CPD: variants seen among roughly 807,000 people sequenced by gnomAD.
CPD encodes the protein carboxypeptidase D, also known as metallocarboxypeptidase D.
Under a neutral mutation model 138.3 loss-of-function variants are expected in CPD, and 69 were observed. That is an observed-to-expected ratio of 0.50 (90% CI 0.41 to 0.61). The LOEUF (loss-of-function observed/expected upper bound fraction) is 0.61. Among genes scored for constraint, CPD ranks in the 20% least tolerant of loss-of-function variants. The pLI is 0.00. For synonymous variants in CPD, 651 were observed against 642.1 expected (o/e 1.01, Z -0.21); for missense variants, 1,432 against 1,733.3 (o/e 0.83, Z 3.09).
At position 30,421,853 on chromosome 17, in the gene CPD, A is replaced by G. The variant is rs760079895; in HGVS notation, c.1307+20A>G. 11 of 1,556,216 alleles carry G rather than the reference A, an allele frequency of 7.1e-6. No homozygotes were observed. The highest frequency in any genetic ancestry group is 4.1e-5 in the African/African-American group (3 of 73,728). ...AACTGGGTAAGAATTTAAACTATGT[A>G]GACTCTTAGTTAAAATGTCAAGTCT... On this transcript the variant is annotated intron_variant, in intron 4 of 20. Coordinates refer to ENST00000225719, the MANE Select transcript of CPD (RefSeq NM_001304.5).
intron 8 of CPD, among the ~76,000 whole-genome samples, chr17:30,435,979 A>G (rs1041033945): frequency 1.3e-5 from 2 of 152,170 alleles, no homozygotes; most frequent in Admixed American, 1.3e-4. Flanking sequence ...TTGTACAAGG[A>G]CACCGTCATA....
intron 2 of CPD, among the ~76,000 whole-genome samples, chr17:30,404,994 T>C (rs1383122513): frequency 2.0e-5 from 3 of 152,174 alleles, no homozygotes; most frequent in Non-Finnish European, 2.9e-5. Flanking sequence ...AAATTCCATA[T>C]GGATTAAAGA....
chr17:30,442,483 C>A, intron 10 of CPD, 33 bp downstream of exon 10: 1 of 1,599,112 alleles, frequency 6.3e-7, no homozygotes, highest in South Asian at 1.1e-5. Context: ...TGAAATTTCT[C>A]CCGAGGGTGA....
intron 2 of CPD, among the ~76,000 whole-genome samples, chr17:30,404,693 A>T (rs1911761639): frequency 6.8e-6 from 1 of 146,024 alleles, no homozygotes; most frequent in South Asian, 2.2e-4. Context: ...AATGTTCTAT[A>T]ATCCTTTGTC....
At chr17:30,416,544 ATGT>A (rs1484914538) in intron 2 of CPD, among the ~76,000 whole-genome samples, 1 of 152,100 alleles carries the variant, frequency 6.6e-6, no homozygotes, top group Non-Finnish European at 1.5e-5. Flanking sequence ...GCTGTTTATG[ATGT>A]TGTTTTGCCA....
At chr17:30,392,008 C>CTTT (rs869193468) in intron 2 of CPD, among the ~76,000 whole-genome samples, 1 of 134,280 alleles carries the variant, frequency 7.4e-6, no homozygotes, top group African/African-American at 2.7e-5. Context: ...TTTGGATAAT[C>CTTT]TTTTTTTTTT....
chr17:30,399,315 A>C (rs567348373), intron 2 of CPD, among the ~76,000 whole-genome samples: 2 of 152,190 alleles, frequency 1.3e-5, no homozygotes, highest in South Asian at 4.1e-4. Context: ...TATAGTATAA[A>C]TATCATTTAT....
intron 2 of CPD, among the ~76,000 whole-genome samples, chr17:30,413,545 A>AT (rs1275950487): frequency 1.3e-5 from 2 of 152,222 alleles, no homozygotes; most frequent in Non-Finnish European, 2.9e-5. Flanking sequence ...AAGAACAAAC[A>AT]TCTTAATTTC....
chr17:30,468,924 T>C lies in CPD; in HGVS notation c.*4110T>C, dbSNP rs1457342046. On this transcript the variant is annotated 3_prime_UTR_variant, in exon 21 of 21. Transcript: ENST00000225719. ...CACAGTTTTCTGTTTGTAGCTCAGCTAGATTGTTATATATGTTCAATCATT... is the reference window on the plus strand; with the variant it reads ...CACAGTTTTCTGTTTGTAGCTCAGCCAGATTGTTATATATGTTCAATCATT... The C allele has an allele frequency of 6.6e-6, 1 of 152,218 alleles. No homozygotes were observed. Among genetic ancestry groups the C allele is most frequent in the Non-Finnish European group, 1.5e-5 (1 of 68,020 alleles). The allele number at this position is 152,218 out of a possible 1,614,324, so 9.4% of individuals were successfully genotyped here. A position where few individuals can be genotyped will look rare whatever the true frequency, so the allele number is the denominator to read the frequency against.
chr17:30,446,761 A>G (rs550303526), intron 12 of CPD, among the ~76,000 whole-genome samples: 2 of 152,350 alleles, frequency 1.3e-5, no homozygotes, highest in East Asian at 3.9e-4. Context: ...ACTGACTTCC[A>G]CAATGGTTGA....
chr17:30,443,798 C>T lies in CPD; in HGVS notation c.2374-4C>T. 6.2e-7 allele frequency: 1 copy of T among 1,606,348 alleles called. No individual in the cohort carries two copies. Among genetic ancestry groups the T allele is most frequent in the Non-Finnish European group, 8.5e-7 (1 of 1,174,628 alleles). On this transcript the variant is annotated splice_polypyrimidine_tract_variant and splice_region_variant and intron_variant, in intron 10 of 20. Coordinates refer to ENST00000225719, the MANE Select transcript of CPD (RefSeq NM_001304.5). Reference sequence around the variant, plus strand: ...GAAATCTGGTGTCCTTGTACTTAATCCAGGTTCATCAGGGCGTCAGAGGAT... The same window carrying T: ...GAAATCTGGTGTCCTTGTACTTAATTCAGGTTCATCAGGGCGTCAGAGGAT...
intron 20 of CPD, among the ~76,000 whole-genome samples, chr17:30,464,303 T>TAC (rs879303226): frequency 2.6e-4 from 40 of 151,784 alleles, no homozygotes; most frequent in Admixed American, 4.6e-4. Flanking sequence ...GTGGGAGGAT[T>TAC]ACACACACAC....
At chr17:30,452,265 T>A (rs1185118660) in intron 14 of CPD, among the ~76,000 whole-genome samples, 1 of 151,734 alleles carries the variant, frequency 6.6e-6, no homozygotes, top group East Asian at 1.9e-4. Flanking sequence ...TACTTATAGA[T>A]CTCTAACATT....
chr17:30,421,813 C>T lies in CPD; in HGVS notation c.1287C>T (p.Asn429=). ...GATTACTTGTTCCTGGAACTTACAA[C>T]CTTACAGTAGTTTTAACTGGGTAAG... ...FYRLLVPGTY[N]LTVVLTGYMP... is the part of the protein sequence containing the mutation. The change falls in exon 4 of 21, where the codon AAC becomes AAT. Residue 429 remains asparagine (N), a synonymous_variant. Transcript: ENST00000225719. 6.2e-7 allele frequency: 1 copy of T among 1,612,904 alleles called. No homozygotes were observed. Among genetic ancestry groups the T allele is most frequent in the Non-Finnish European group, 8.5e-7 (1 of 1,179,024 alleles).
intron 1 of CPD, chr17:30,380,128 G>A (rs765310664): frequency 5.0e-5 from 9 of 180,000 alleles, no homozygotes; most frequent in South Asian, 3.7e-4. Context: ...AATTTTTTCT[G>A]TGACTGCAGT....
At chr17:30,420,350 G>T (rs375822879) in intron 2 of CPD, among the ~76,000 whole-genome samples, 1 of 151,946 alleles carries the variant, frequency 6.6e-6, no homozygotes, top group Non-Finnish European at 1.5e-5. Flanking sequence ...ATAATGCTTC[G>T]GCATGAATAT....
chr17:30,443,620 A>C (rs1912938667), intron 10 of CPD, among the ~76,000 whole-genome samples, 182 bp from the exon 11 acceptor site: 4 of 152,220 alleles, frequency 2.6e-5, no homozygotes, highest in African/African-American at 9.6e-5. Context: ...AACAAAGCCT[A>C]TGAAAAATTA....
At chr17:30,400,652 CTTTTTTTTT>C (rs34301387) in intron 2 of CPD, among the ~76,000 whole-genome samples, 3 of 57,578 alleles carry the variant, frequency 5.2e-5, no homozygotes, top group African/African-American at 7.8e-5. Flanking sequence ...TGCCATCATT[CTTTTTTTTT>C]TTTTTTTTTT....
intron 12 of CPD, among the ~76,000 whole-genome samples, chr17:30,446,255 C>A (rs1360359859): frequency 6.6e-6 from 1 of 151,788 alleles, no homozygotes; most frequent in African/African-American, 2.4e-5. Context: ...ATACATGTGC[C>A]ATGTTGGTGT....
Sources: allele counts gnomAD v4.1 joint callset (sites outside exome capture counted in the v4.1 genomes callset), GRCh38; gene constraint gnomAD v4.1.1; transcripts MANE v1.5; gene names NCBI Gene and HGNC (gene_info 2026-07-23, HGNC 2026-07-21).